The following DAB1 variants were observed in gnomAD, a reference collection of about 807,000 sequenced individuals.
DAB1 encodes the protein disabled homolog 1.
In DAB1, 15 loss-of-function variants were observed where a neutral mutation model predicts 64.6. The ratio of observed to expected loss-of-function variants is 0.23; its 90% confidence interval spans 0.16 to 0.36. The LOEUF (loss-of-function observed/expected upper bound fraction) is 0.36. Ranked by LOEUF, DAB1 falls within the 10% of genes least tolerant of loss-of-function variation. DAB1 has a pLI of 1.00. For synonymous variants in DAB1, 235 were observed against 251.9 expected, an observed-to-expected ratio of 0.93 and a Z score of 0.64; for missense variants, 596 against 706.7, an observed-to-expected ratio of 0.84 and a Z score of 1.78.
intron 4 of DAB1, among the ~76,000 whole-genome samples, chr1:58,250,354 GC>G (rs1660752527): frequency 6.6e-6 from 1 of 152,236 alleles, no homozygotes; most frequent in South Asian, 2.1e-4. Flanking sequence ...TCCGTGTGGG[GC>G]CAGGGCGCGC....
intron 1 of DAB1, among the ~76,000 whole-genome samples, chr1:57,422,319 C>T (rs1218203923): frequency 6.6e-6 from 1 of 152,210 alleles, no homozygotes; most frequent in African/African-American, 2.4e-5. Flanking sequence ...GCCCCGGTCC[C>T]CGCCGGCTGG....
intron 7 of DAB1, among the ~76,000 whole-genome samples, chr1:57,626,666 A>G (rs1313661643): frequency 6.6e-6 from 1 of 152,214 alleles, no homozygotes; most frequent in Non-Finnish European, 1.5e-5. Context: ...TGGGAAGTCC[A>G]AGATTGAGGC....
At chr1:58,476,488 A>G (rs1645420326) in intron 3 of DAB1, among the ~76,000 whole-genome samples, 1 of 152,170 alleles carries the variant, frequency 6.6e-6, no homozygotes, top group Non-Finnish European at 1.5e-5. Context: ...ATGTAAAAGG[A>G]GGTCTGGGTG....
chr1:58,197,823 C>T (rs943657539), intron 4 of DAB1, among the ~76,000 whole-genome samples: 3 of 151,746 alleles, frequency 2.0e-5, no homozygotes, highest in African/African-American at 7.3e-5. Context: ...TTACCAGCTT[C>T]TGAGAAAATA....
At chr1:58,217,032 C>A (rs951064617) in intron 4 of DAB1, among the ~76,000 whole-genome samples, 2 of 152,138 alleles carry the variant, frequency 1.3e-5, no homozygotes, top group Admixed American at 1.3e-4. Context: ...TTCTGGATGA[C>A]TAGAATTGAA....
At chr1:58,235,686 A>C (rs1659993167) in intron 4 of DAB1, among the ~76,000 whole-genome samples, 1 of 152,192 alleles carries the variant, frequency 6.6e-6, no homozygotes, top group Non-Finnish European at 1.5e-5. Flanking sequence ...CCCAGGACTG[A>C]GATGACCCAC....
At chr1:58,458,046 G>A (rs961629249) in intron 3 of DAB1, among the ~76,000 whole-genome samples, 8 of 152,140 alleles carry the variant, frequency 5.3e-5, no homozygotes, top group South Asian at 4.1e-4. Flanking sequence ...TATGCCATTT[G>A]ATCCAAACAG....
chr1:57,329,635 AG>A (rs1174624943), intron 1 of DAB1, among the ~76,000 whole-genome samples: 19 of 144,790 alleles, frequency 1.3e-4, no homozygotes, highest in Non-Finnish European at 2.7e-4. Flanking sequence ...AGAATGTTCC[AG>A]GATGGTCTGC....
chr1:57,076,759 ATACCCCATTTCCC>A (rs1257618296), intron 4 of DAB1, among the ~76,000 whole-genome samples: 1 of 152,208 alleles, frequency 6.6e-6, no homozygotes, highest in African/African-American at 2.4e-5. Context: ...ACCTACCTTG[ATACCCCATTTCCC>A]TGAGTAATAA....
intron 4 of DAB1, among the ~76,000 whole-genome samples, chr1:58,254,540 C>T (rs1264593292): frequency 3.0e-5 from 3 of 98,474 alleles, no homozygotes; most frequent in Admixed American, 2.1e-4. Flanking sequence ...CTATCCCTCC[C>T]CCCTCCCCCC....
intron 7 of DAB1, among the ~76,000 whole-genome samples, chr1:57,606,613 TATATA>T (rs1461016444): frequency 3.3e-5 from 4 of 119,784 alleles, no homozygotes; most frequent in Non-Finnish European, 6.5e-5. Flanking sequence ...ATATATGAAA[TATATA>T]ATATATGAAA....
intron 4 of DAB1, among the ~76,000 whole-genome samples, chr1:58,276,338 T>A (rs1431900770): frequency 2.0e-5 from 3 of 152,176 alleles, no homozygotes; most frequent in Non-Finnish European, 4.4e-5. Context: ...AATTTTAAAA[T>A]TTTTTTAAAG....
At chr1:57,574,444 T>C (rs542980584) in intron 7 of DAB1, among the ~76,000 whole-genome samples, 141 of 152,332 alleles carry the variant, frequency 9.3e-4, no homozygotes, top group African/African-American at 3.4e-3. Flanking sequence ...TGTTCATATA[T>C]CATCTCTCTT....
intron 1 of DAB1, among the ~76,000 whole-genome samples, chr1:57,863,827 G>A (rs943456717): frequency 6.6e-6 from 1 of 152,140 alleles, no homozygotes; most frequent in African/African-American, 2.4e-5. Context: ...AACAAGAACT[G>A]AAGTTAATAT....
intron 6 of DAB1, among the ~76,000 whole-genome samples, chr1:57,710,920 T>C (rs1342254147): frequency 6.6e-6 from 1 of 152,080 alleles, no homozygotes; most frequent in Non-Finnish European, 1.5e-5. Context: ...AGGTCCAAGA[T>C]TGGGGCAGGC....
chr1:58,510,488 C>T (rs1646056592), intron 2 of DAB1, among the ~76,000 whole-genome samples: 1 of 152,018 alleles, frequency 6.6e-6, no homozygotes, highest in South Asian at 2.1e-4. Context: ...ATAATTATAG[C>T]TATATATGAA....
chr1:58,055,488 AC>A (rs1647994638), intron 5 of DAB1, among the ~76,000 whole-genome samples: 1 of 151,880 alleles, frequency 6.6e-6, no homozygotes, highest in African/African-American at 2.4e-5. Context: ...TATCCATAGC[AC>A]TTAATCATCT....
intron 3 of DAB1, among the ~76,000 whole-genome samples, chr1:58,391,884 C>G (rs1367492573): frequency 6.6e-6 from 1 of 152,208 alleles, no homozygotes; most frequent in Non-Finnish European, 1.5e-5. Context: ...GTAGAATTAA[C>G]ACATTTTATA....
intron 1 of DAB1, among the ~76,000 whole-genome samples, chr1:57,420,591 C>A (rs1684819865): frequency 6.6e-6 from 1 of 152,222 alleles, no homozygotes; most frequent in Non-Finnish European, 1.5e-5. Context: ...TGGATTCAAT[C>A]CTGGTCTTCC....
Sources: allele counts gnomAD v4.1 joint callset (sites outside exome capture counted in the v4.1 genomes callset), GRCh38; gene constraint gnomAD v4.1.1; transcripts MANE v1.5; gene names NCBI Gene and HGNC (gene_info 2026-07-23, HGNC 2026-07-21).